Variants in VEGFC observed in about 807,000 individuals in gnomAD.
VEGFC encodes FLT4 ligand DHM.
VEGFC carries 12 observed loss-of-function variants against 46.1 expected under a neutral mutation model. The ratio of observed to expected loss-of-function variants is 0.26; its 90% confidence interval spans 0.17 to 0.42. VEGFC has a LOEUF of 0.42. Among genes scored for constraint, VEGFC ranks in the 10% least tolerant of loss-of-function variants. The probability of loss-of-function intolerance (pLI) is 1.00; values close to 1 mark genes in which losing one functional copy is unlikely to be tolerated. For missense variants in VEGFC, 488 were observed against 529.4 expected (o/e 0.92, Z 0.77); for synonymous variants, 232 against 195.5 (o/e 1.19, Z -1.56).
At chr4:176,761,944 G>GA (rs1735537404) in intron 1 of VEGFC, among the ~76,000 whole-genome samples, 1 of 152,170 alleles carries the variant, frequency 6.6e-6, no homozygotes, top group Non-Finnish European at 1.5e-5. Context: ...AAGCAATTAA[G>GA]AGTAAGCTCA....
chr4:176,690,802 T>A (rs980779877), intron 4 of VEGFC, among the ~76,000 whole-genome samples: 1 of 152,222 alleles, frequency 6.6e-6, no homozygotes, highest in Non-Finnish European at 1.5e-5. Flanking sequence ...GATTGATATA[T>A]GGTTTAAGTA....
At chr4:176,740,803 G>C (rs1347753498) in intron 1 of VEGFC, among the ~76,000 whole-genome samples, 1 of 151,604 alleles carries the variant, frequency 6.6e-6, no homozygotes, top group Non-Finnish European at 1.5e-5. Context: ...CCGAAGTTCA[G>C]GTGATTTTTG....
Position 176,683,734 on chromosome 4 carries a change from C to A in VEGFC, c.*192G>T, listed in dbSNP as rs1037679976. The A allele has an allele frequency of 2.5e-6, 1 of 399,334 alleles. No homozygotes were observed. The highest frequency in any genetic ancestry group is 4.4e-6 in the Non-Finnish European group (1 of 225,002). The allele number at this position is 399,334 out of a possible 1,614,324, so 24.7% of individuals were successfully genotyped here. A position where few individuals can be genotyped will look rare whatever the true frequency, so the allele number is the denominator to read the frequency against. ...GGCTGTTTGGTCATTGGCAGAAAAC[C>A]AGTCTTTACAAGAGGCCTTTTGCAG... On this transcript the variant is annotated 3_prime_UTR_variant, in exon 7 of 7. Transcript: ENST00000618562.
At position 176,729,677 on chromosome 4, in the gene VEGFC, G is replaced by A. The variant is rs1008209935; in HGVS notation, c.217C>T (p.Leu73Phe). ...VSSVDELMTVLYPEYWKMYKC... is the reference protein window; with the variant it reads ...VSSVDELMTVFYPEYWKMYKC... ...TACATTTTCCAATATTCTGGGTAGA[G>A]TACAGTCATGAGTTCATCTACACTG... The change falls in exon 2 of 7, where the codon CTC becomes TTC. Residue 73 changes from leucine to phenylalanine, a missense_variant. Coordinates refer to ENST00000618562, the MANE Select transcript of VEGFC (RefSeq NM_005429.5). 1.1e-5 allele frequency: 17 copies of A among 1,613,384 alleles called. No homozygotes were observed. The highest frequency in any genetic ancestry group is 1.4e-5 in the Non-Finnish European group (17 of 1,179,776).
At chr4:176,713,131 T>A (rs1270208101) in intron 3 of VEGFC, among the ~76,000 whole-genome samples, 2 of 152,216 alleles carry the variant, frequency 1.3e-5, no homozygotes, top group African/African-American at 2.4e-5. Flanking sequence ...GTTATTACTA[T>A]TTGTGTAAAT....
intron 1 of VEGFC, among the ~76,000 whole-genome samples, chr4:176,744,503 T>C (rs1023958687): frequency 2.6e-5 from 4 of 152,040 alleles, no homozygotes; most frequent in Admixed American, 6.6e-5. Context: ...AGTAGGCCTA[T>C]AGCTACAAAG....
intron 1 of VEGFC, among the ~76,000 whole-genome samples, chr4:176,768,593 C>T (rs1311251743): frequency 6.7e-6 from 1 of 149,536 alleles, no homozygotes; most frequent in Non-Finnish European, 1.5e-5. Context: ...CCTCCAGGGG[C>T]TGCCAATCCT....
At chr4:176,721,400 A>G (rs1734782953) in intron 3 of VEGFC, among the ~76,000 whole-genome samples, 1 of 152,184 alleles carries the variant, frequency 6.6e-6, no homozygotes, top group East Asian at 1.9e-4. Flanking sequence ...AGGAGTTTTT[A>G]GCAGTATCTG....
At chr4:176,772,043 A>G (rs1001061624) in intron 1 of VEGFC, among the ~76,000 whole-genome samples, 2 of 152,184 alleles carry the variant, frequency 1.3e-5, no homozygotes, top group African/African-American at 4.8e-5. Flanking sequence ...AGAAAGCCCT[A>G]TTACGGTTTA....
chr4:176,768,679 A>G (rs1735674541), intron 1 of VEGFC, among the ~76,000 whole-genome samples: 1 of 151,682 alleles, frequency 6.6e-6, no homozygotes, highest in Non-Finnish European at 1.5e-5. Context: ...TACCTCCTTT[A>G]TCTGGCTATA....
chr4:176,723,094 C>T (rs990909939), intron 3 of VEGFC, among the ~76,000 whole-genome samples: 9 of 152,044 alleles, frequency 5.9e-5, no homozygotes, highest in Non-Finnish European at 1.2e-4. Context: ...ATCTATTTGG[C>T]CCATATGTAA....
intron 1 of VEGFC, among the ~76,000 whole-genome samples, chr4:176,749,771 G>A (rs1735311844): frequency 6.6e-6 from 1 of 151,692 alleles, no homozygotes; most frequent in African/African-American, 2.4e-5. Flanking sequence ...ACTCCCTCTT[G>A]TTATACAGAA....
intron 6 of VEGFC, among the ~76,000 whole-genome samples, chr4:176,685,698 T>C (rs954245710): frequency 6.6e-6 from 1 of 151,930 alleles, no homozygotes; most frequent in African/African-American, 2.4e-5. Flanking sequence ...CTTCTGAAAA[T>C]AGTAGCATAT....
At chr4:176,755,179 A>G (rs183863096) in intron 1 of VEGFC, among the ~76,000 whole-genome samples, 7 of 152,144 alleles carry the variant, frequency 4.6e-5, no homozygotes, top group Non-Finnish European at 8.8e-5. Context: ...CCTTGTTAAT[A>G]GCCTGCGAGC....
In VEGFC at chr4:176,737,188, T is replaced by C. The variant is rs962309694; in HGVS notation, c.148-7442A>G. 6.7e-5 allele frequency among the ~76,000 whole-genome samples: 10 copies of C among 149,512 alleles called. No individual in the cohort carries two copies. In the Admixed American group the frequency reaches 6.7e-4, roughly 10 times the overall value. On this transcript the variant is annotated intron_variant, in intron 1 of 6. Transcript: ENST00000618562. Reference sequence around the variant, plus strand: ...GTAAACCACCATAAAAATTAGTTCATTGAAGGAGGGAATTATATTATAAAG... The same window carrying C: ...GTAAACCACCATAAAAATTAGTTCACTGAAGGAGGGAATTATATTATAAAG...
chr4:176,764,070 C>G (rs1284277813), intron 1 of VEGFC, among the ~76,000 whole-genome samples: 1 of 152,120 alleles, frequency 6.6e-6, no homozygotes, highest in African/African-American at 2.4e-5. Flanking sequence ...AATGTTCCCA[C>G]TGAGAACAAC....
intron 1 of VEGFC, among the ~76,000 whole-genome samples, chr4:176,744,912 T>C (rs1311789938): frequency 1.3e-5 from 2 of 152,082 alleles, no homozygotes; most frequent in Non-Finnish European, 2.9e-5. Context: ...CCATATTACA[T>C]TATTTCTACG....
intron 4 of VEGFC, among the ~76,000 whole-genome samples, chr4:176,695,408 ACT>A (rs1479022894): frequency 1.3e-5 from 2 of 151,694 alleles, no homozygotes; most frequent in Non-Finnish European, 2.9e-5. Context: ...CGACACATAC[ACT>A]CTCCCAAGAC....
At chr4:176,754,349 A>G (rs745650598) in intron 1 of VEGFC, among the ~76,000 whole-genome samples, 4 of 150,626 alleles carry the variant, frequency 2.7e-5, no homozygotes, top group Non-Finnish European at 5.9e-5. Flanking sequence ...TTAGAAATGC[A>G]TTTTTTTTTA....
Sources: allele counts gnomAD v4.1 joint callset (sites outside exome capture counted in the v4.1 genomes callset), GRCh38; gene constraint gnomAD v4.1.1; transcripts MANE v1.5; gene names NCBI Gene and HGNC (gene_info 2026-07-23, HGNC 2026-07-21).